WFDC10B: variants seen among roughly 807,000 people sequenced by gnomAD.
The protein encoded by WFDC10B is WAP four-disulfide core domain 10B, also known as protein WFDC10B.
Under a neutral mutation model 2.7 loss-of-function variants are expected in WFDC10B, and 1 was observed. That is an observed-to-expected ratio of 0.38 (90% CI 0.13 to 1.79). The LOEUF (loss-of-function observed/expected upper bound fraction) is 1.79, where lower values mean the gene tolerates loss of function less well. Among genes scored for constraint, WFDC10B ranks in the 40% most tolerant of loss-of-function variants. The probability of loss-of-function intolerance (pLI) is 0.33; values close to 1 mark genes in which losing one functional copy is unlikely to be tolerated. For synonymous variants in WFDC10B, 26 were observed against 32.2 expected (o/e 0.81, Z 0.65); for missense variants, 71 against 87.8 (o/e 0.81, Z 0.76).
intron 2 of WFDC10B, chr20:45,702,214 A>T (rs1367732222): frequency 1.9e-6 from 3 of 1,611,000 alleles, no homozygotes; most frequent in Admixed American, 3.4e-5. Flanking sequence ...TGTTCTGAGT[A>T]GGTGCTGGAT....
intron 2 of WFDC10B, among the ~76,000 whole-genome samples, chr20:45,700,577 T>TA (rs2145642592): frequency 6.6e-6 from 1 of 152,276 alleles, no homozygotes; most frequent in African/African-American, 2.4e-5. Context: ...TTAAAGGATA[T>TA]AAAAATGTTA....
At chr20:45,700,603 T>C (rs6104300) in intron 2 of WFDC10B, among the ~76,000 whole-genome samples, 3,471 of 152,254 alleles carry the variant, frequency 0.023, 143 homozygotes, top group African/African-American at 0.08. Context: ...TCAATATACA[T>C]AGAAAAAAGC....
At chr20:45,685,824 G>A in intron 3 of WFDC10B, 78 bp downstream of exon 3, 1 of 1,574,316 alleles carries the variant, frequency 6.4e-7, no homozygotes, top group Non-Finnish European at 8.6e-7. Context: ...CAAGTCCTAG[G>A]TCCTACTCAG....
chr20:45,696,098 AAC>A (rs1983967919), intron 2 of WFDC10B, among the ~76,000 whole-genome samples: 1 of 151,866 alleles, frequency 6.6e-6, no homozygotes, highest in Non-Finnish European at 1.5e-5. Flanking sequence ...CATCCTGGCT[AAC>A]ACAGTGAAAC....
chr20:45,700,400 A>C (rs1984117601), intron 2 of WFDC10B, among the ~76,000 whole-genome samples: 1 of 152,244 alleles, frequency 6.6e-6, no homozygotes, highest in Non-Finnish European at 1.5e-5. Flanking sequence ...GGACAATATG[A>C]GAAAGACAAG....
At chr20:45,691,142 G>A (rs1405771907) in intron 2 of WFDC10B, among the ~76,000 whole-genome samples, 9 of 152,178 alleles carry the variant, frequency 5.9e-5, no homozygotes, top group East Asian at 5.8e-4. Context: ...GTAGTTGAGC[G>A]GTTTTGAGTG....
At chr20:45,697,380 T>C (rs1448236045) in intron 2 of WFDC10B, among the ~76,000 whole-genome samples, 3 of 23,612 alleles carry the variant, frequency 1.3e-4, no homozygotes, top group Admixed American at 6.8e-4. Flanking sequence ...CATCCCATCA[T>C]TTTTTTTTTT....
intron 2 of WFDC10B, among the ~76,000 whole-genome samples, chr20:45,699,180 G>T (rs1033754587): frequency 6.6e-6 from 1 of 152,140 alleles, no homozygotes; most frequent in African/African-American, 2.4e-5. Context: ...GCTGATAGAA[G>T]TATTAAATTG....
chr20:45,685,081 T>C, intron 3 of WFDC10B, 121 bp from the exon 4 acceptor site: 3 of 1,295,016 alleles, frequency 2.3e-6, no homozygotes, highest in Non-Finnish European at 3.2e-6. Flanking sequence ...TCTCCTGGAC[T>C]CTTCAGGGAA....
At chr20:45,688,433 C>A (rs1224389588) in intron 2 of WFDC10B, among the ~76,000 whole-genome samples, 1 of 151,838 alleles carries the variant, frequency 6.6e-6, no homozygotes, top group African/African-American at 2.4e-5. Context: ...AGTTCTAGAT[C>A]CCTGAGGAAT....
chr20:45,693,179 C>T (rs920304874), intron 2 of WFDC10B, among the ~76,000 whole-genome samples: 1 of 152,150 alleles, frequency 6.6e-6, no homozygotes, highest in Non-Finnish European at 1.5e-5. Flanking sequence ...TCTGATCGTT[C>T]CTCTGGAAGT....
At chr20:45,686,194 G>A (rs1358989213) in intron 2 of WFDC10B, 138 bp from the exon 3 acceptor site, 48 of 981,202 alleles carry the variant, frequency 4.9e-5, no homozygotes, top group Non-Finnish European at 6.6e-5. Context: ...TGTAGGATAG[G>A]GCTTCTGCAG....
Position 45,704,896 on chromosome 20 carries a change from C to T in WFDC10B, c.-130+22G>A, listed in dbSNP as rs140141960. 604 of 1,612,768 alleles carry T rather than the reference C, an allele frequency of 3.7e-4. 5 individuals are homozygous for T. In the African/African-American group the frequency reaches 6.4e-3, roughly 17 times the overall value. ...GACCTTCCCCCGACCCAGAATCCAC[C>T]CTTATCCCAGGGACACTGTACCTGC... On this transcript the variant is annotated intron_variant, in intron 1 of 3. Transcript: ENST00000330523.
Position 45,693,794 on chromosome 20 carries a change from G to A in WFDC10B, c.-64-7738C>T, listed in dbSNP as rs564742334. On this transcript the variant is annotated intron_variant, in intron 2 of 3. Coordinates refer to ENST00000330523, the MANE Select transcript of WFDC10B (RefSeq NM_172006.2). ...CCTTGCGCTTCCCGAGTGAGGCAAT[G>A]CCTCGCACTGCTTCGGCTTGCGCAC... 1.2e-4 allele frequency among the ~76,000 whole-genome samples: 18 copies of A among 152,348 alleles called. No homozygotes were observed. In the East Asian group the frequency reaches 2.7e-3, roughly 23 times the overall value.
chr20:45,685,882 T>C lies in WFDC10B; in HGVS notation c.91+20A>G. 1.2e-6 allele frequency: 2 copies of C among 1,612,932 alleles called. No homozygotes were observed. The highest frequency in any genetic ancestry group is 1.7e-6 in the Non-Finnish European group (2 of 1,179,806). ...CCCCTACCCAACTCTCCATCACCCA[T>C]CCAGCAGCCCATCACCTACTCTGCA... On this transcript the variant is annotated intron_variant, in intron 3 of 3. Coordinates refer to ENST00000330523, the MANE Select transcript of WFDC10B (RefSeq NM_172006.2).
chr20:45,704,882 G>T, intron 1 of WFDC10B, 36 bp downstream of exon 1: 1 of 1,604,606 alleles, frequency 6.2e-7, no homozygotes, highest in South Asian at 1.1e-5. Context: ...ACCTTCCCCC[G>T]ACCCAGAATC....
chr20:45,701,992 T>G, intron 2 of WFDC10B: 1 of 757,268 alleles, frequency 1.3e-6, no homozygotes. Flanking sequence ...CGGTTTTGAT[T>G]GGAGTACACG....
intron 2 of WFDC10B, among the ~76,000 whole-genome samples, chr20:45,698,670 A>G (rs1367233383): frequency 6.6e-6 from 1 of 152,094 alleles, no homozygotes; most frequent in Non-Finnish European, 1.5e-5. Context: ...AGCACATGAA[A>G]ATATGCTCAA....
intron 2 of WFDC10B, among the ~76,000 whole-genome samples, chr20:45,686,300 T>C (rs2059318008): frequency 6.6e-6 from 1 of 152,232 alleles, no homozygotes; most frequent in Admixed American, 6.5e-5. Flanking sequence ...TGCTTTCTAA[T>C]TATAAAATGC....
Sources: gnomAD v4.1 joint callset for allele counts (sites outside exome capture counted in the v4.1 genomes callset) on GRCh38, gnomAD v4.1.1 for gene constraint, MANE v1.5 for transcripts, NCBI Gene and HGNC (gene_info 2026-07-23, HGNC 2026-07-21) for gene names.